Variants in TMIGD1 observed in about 807,000 individuals in gnomAD.
TMIGD1 encodes transmembrane and immunoglobulin domain containing 1.
Under a neutral mutation model 27.5 loss-of-function variants are expected in TMIGD1, and 29 were observed. The observed-to-expected ratio is 1.05, with a 90% CI of 0.78 to 1.44. The LOEUF (loss-of-function observed/expected upper bound fraction) is 1.44, where lower values mean the gene tolerates loss of function less well. Among genes scored for constraint, TMIGD1 ranks in the 40% most tolerant of loss-of-function variants. TMIGD1 has a pLI of 0.00. For synonymous variants in TMIGD1, 109 were observed against 110.3 expected, an observed-to-expected ratio of 0.99 and a Z score of 0.07; for missense variants, 334 against 310.6, an observed-to-expected ratio of 1.08 and a Z score of -0.57.
rs1221510454 is a variant in TMIGD1 at position 30,319,238 on chromosome 17, T to C, written c.641-325A>G. ...GGCCCACATGGTGAAACCCCATCTG[T>C]AAAAAAAAAAGAAAAAAAAAAAAAT... On this transcript the variant is annotated intron_variant, in intron 4 of 6. Transcript: ENST00000328886. Among the ~76,000 whole-genome samples the C allele has an allele frequency of 3.4e-4, 17 of 50,502 alleles. 1 individual carries two copies. Among genetic ancestry groups the C allele is most frequent in the Non-Finnish European group, 5.7e-4 (16 of 27,986 alleles). The allele number at this position is 50,502 out of a possible 152,430, so 33.1% of individuals were successfully genotyped here.
At chr17:30,317,578 G>A (rs1909457034) in intron 5 of TMIGD1, among the ~76,000 whole-genome samples, 1 of 152,058 alleles carries the variant, frequency 6.6e-6, no homozygotes, top group Admixed American at 6.6e-5. Context: ...GGCCAACATG[G>A]TGAAACCCTG....
intron 2 of TMIGD1, among the ~76,000 whole-genome samples, chr17:30,331,795 A>G (rs893099827): frequency 6.6e-6 from 1 of 152,026 alleles, no homozygotes; most frequent in Non-Finnish European, 1.5e-5. Context: ...TCACCGTGTT[A>G]GCCAGGATGG....
intron 4 of TMIGD1, among the ~76,000 whole-genome samples, chr17:30,319,261 A>AAAAAAAAAAAAAATATATATATATAT: frequency 1.2e-3 from 82 of 68,956 alleles, no homozygotes; most frequent in Non-Finnish European, 1.6e-3. Flanking sequence ...AAAAAAAAAA[A>AAAAAAAAAAAAAATATATATATATAT]ATATATATAT....
At position 30,316,699 on chromosome 17, in the gene TMIGD1, A is replaced by T; in HGVS notation, c.786-9T>A. ...CATCTCAGCTTTCTCATCTGAAATG[A>T]ATGAAGAAATTAATAATAATGATGC... On this transcript the variant is annotated splice_polypyrimidine_tract_variant and intron_variant, in intron 6 of 6. Transcript: ENST00000328886. 2 of 1,612,780 alleles carry T rather than the reference A, an allele frequency of 1.2e-6. No individual in the cohort carries two copies. Among genetic ancestry groups the T allele is most frequent in the African/African-American group, 1.3e-5 (1 of 75,016 alleles).
intron 4 of TMIGD1, among the ~76,000 whole-genome samples, chr17:30,321,911 G>T (rs3103303): frequency 6.6e-6 from 1 of 151,830 alleles, no homozygotes; most frequent in East Asian, 1.9e-4. Context: ...TCACTGCAGC[G>T]TCGACCTCTA....
At chr17:30,329,944 G>C (rs1389393781) in intron 2 of TMIGD1, among the ~76,000 whole-genome samples, 2 of 151,926 alleles carry the variant, frequency 1.3e-5, no homozygotes, top group African/African-American at 2.4e-5. Context: ...CATTAGCCAG[G>C]CATGGTGGTG....
Position 30,316,779 on chromosome 17 carries a change from C to T in TMIGD1, c.786-89G>A, listed in dbSNP as rs1002397163. On this transcript the variant is annotated intron_variant, in intron 6 of 6. Coordinates refer to ENST00000328886, the MANE Select transcript of TMIGD1 (RefSeq NM_206832.3). ...AAACCCATACTCTCTGACAACATGC[C>T]TTTGTTCTTATTACCTACTACCCAC... is the stretch of plus-strand genomic sequence containing the variant. The T allele has an allele frequency of 1.4e-5, 18 of 1,266,724 alleles. No individual in the cohort carries two copies. The Admixed American group carries it at 1.6e-4, about 11-fold the overall frequency. The allele number at this position is 1,266,724 out of a possible 1,614,324, so 78.5% of individuals were successfully genotyped here.
chr17:30,322,449 G>C (rs903623828), intron 4 of TMIGD1, among the ~76,000 whole-genome samples: 1 of 152,132 alleles, frequency 6.6e-6, no homozygotes, highest in African/African-American at 2.4e-5. Context: ...TTTTTACCAA[G>C]CCAGATAAAA....
chr17:30,319,261 A>AAAAAAATATATATATATAT lies in TMIGD1; in HGVS notation c.641-349_641-348insATATATATATATATTTTTT. On this transcript the variant is annotated intron_variant, in intron 4 of 6. Coordinates refer to ENST00000328886, the MANE Select transcript of TMIGD1 (RefSeq NM_206832.3). Reference sequence around the variant, plus strand: ...TGTAAAAAAAAAAGAAAAAAAAAAAAATATATATATATATATAGCTGGGCA... The same window carrying AAAAAAATATATATATATAT: ...TGTAAAAAAAAAAGAAAAAAAAAAAAAAAAAATATATATATATATATATATATATATATATAGCTGGGCA... 2.5e-4 allele frequency among the ~76,000 whole-genome samples: 17 copies of AAAAAAATATATATATATAT among 69,030 alleles called. No homozygotes were observed. In the South Asian group the frequency reaches 2.5e-3, roughly 10 times the overall value. The allele number at this position is 69,030 out of a possible 152,430, so 45.3% of individuals were successfully genotyped here. A position where few individuals can be genotyped will look rare whatever the true frequency, so the allele number is the denominator to read the frequency against.
At chr17:30,329,699 ATGTAT>A (rs1909910921) in intron 2 of TMIGD1, among the ~76,000 whole-genome samples, 170 bp from the exon 3 acceptor site, 1 of 152,188 alleles carries the variant, frequency 6.6e-6, no homozygotes, top group African/African-American at 2.4e-5. Context: ...AATATTCATA[ATGTAT>A]TGTTAACTGA....
In TMIGD1 at chr17:30,329,251, A is replaced by T. The variant is rs1347085196; in HGVS notation, c.361T>A (p.Phe121Ile). The change falls in exon 3 of 7, where the codon TTT becomes ATT. Residue 121 changes from phenylalanine (F) to isoleucine (I), a missense_variant and splice_region_variant. Transcript: ENST00000328886. ...AGCTGTTTCTTTTCCCCTCACTCAC[A>T]AGTAACATTCAGCACCACCGAAACG... ...VSVSVVLNVTFPPLLSGNDFQ... is the reference protein window; with the variant it reads ...VSVSVVLNVTIPPLLSGNDFQ... 6.2e-7 allele frequency: 1 copy of T among 1,611,720 alleles called. No homozygotes were observed. The highest frequency in any genetic ancestry group is 8.5e-7 in the Non-Finnish European group (1 of 1,178,000).
At chr17:30,328,733 T>C (rs1597685313) in intron 3 of TMIGD1, among the ~76,000 whole-genome samples, 1 of 151,576 alleles carries the variant, frequency 6.6e-6, no homozygotes, top group Non-Finnish European at 1.5e-5. Flanking sequence ...AGGTAGGCGG[T>C]TCACTCGAGG....
intron 5 of TMIGD1, 90 bp downstream of exon 5, chr17:30,318,720 G>C: frequency 3.4e-6 from 3 of 889,372 alleles, no homozygotes; most frequent in Non-Finnish European, 5.3e-6. Flanking sequence ...TGCCAAGAAG[G>C]GTTCCTAACT....
At chr17:30,324,722 A>C in intron 4 of TMIGD1, 94 bp downstream of exon 4, 1 of 1,427,060 alleles carries the variant, frequency 7.0e-7, no homozygotes, top group Non-Finnish European at 9.5e-7. Flanking sequence ...CCCTAATCAT[A>C]ACCGTTATTA....
At chr17:30,329,110 G>C in intron 3 of TMIGD1, 141 bp downstream of exon 3, 1 of 904,996 alleles carries the variant, frequency 1.1e-6, no homozygotes, top group East Asian at 2.6e-5. Flanking sequence ...TCATGAGGGT[G>C]AGGGGAAATA....
intron 3 of TMIGD1, among the ~76,000 whole-genome samples, chr17:30,327,434 C>T (rs1386503639): frequency 6.6e-6 from 1 of 150,820 alleles, no homozygotes; most frequent in African/African-American, 2.4e-5. Flanking sequence ...AAAAAAGTTT[C>T]GTGGAATAAG....
intron 3 of TMIGD1, among the ~76,000 whole-genome samples, chr17:30,327,975 T>A (rs965876163): frequency 6.6e-6 from 1 of 151,978 alleles, no homozygotes; most frequent in Non-Finnish European, 1.5e-5. Flanking sequence ...TGGAACCCAA[T>A]CATTGAAAAG....
At chr17:30,332,400 G>T (rs1453095041) in intron 1 of TMIGD1, among the ~76,000 whole-genome samples, 1 of 152,190 alleles carries the variant, frequency 6.6e-6, no homozygotes, top group African/African-American at 2.4e-5. Context: ...AGATAGAGCA[G>T]CGTCAGGGTG....
chr17:30,319,005 TC>T, intron 4 of TMIGD1, 92 bp from the exon 5 acceptor site: 1 of 861,830 alleles, frequency 1.2e-6, no homozygotes, highest in South Asian at 1.4e-5. Flanking sequence ...ATGTGTGTCA[TC>T]CCCTTAATTA....
Sources: allele counts gnomAD v4.1 joint callset (sites outside exome capture counted in the v4.1 genomes callset), GRCh38; gene constraint gnomAD v4.1.1; transcripts MANE v1.5; gene names NCBI Gene and HGNC (gene_info 2026-07-23, HGNC 2026-07-21).